KIRREL3: variants seen among roughly 807,000 people sequenced by gnomAD.
KIRREL3 encodes kirre like nephrin family adhesion molecule 3, also known as kin of IRRE-like protein 3.
A neutral mutation model predicts 89.7 loss-of-function variants in KIRREL3; 36 were observed. The observed-to-expected ratio is 0.40, with a 90% CI of 0.31 to 0.53. KIRREL3 has a LOEUF of 0.53. KIRREL3 is among the 20% of genes least tolerant of loss of function. KIRREL3 has a pLI of 0.49. For missense variants in KIRREL3, 864 were observed against 1,056.6 expected (o/e 0.82, Z 2.53); for synonymous variants, 445 against 441.4 (o/e 1.01, Z -0.10).
chr11:126,733,051 A>G (rs772154293), intron 1 of KIRREL3, among the ~76,000 whole-genome samples: 3 of 152,246 alleles, frequency 2.0e-5, no homozygotes, highest in Non-Finnish European at 2.9e-5. Flanking sequence ...GCAGCTTGAG[A>G]TATTTTGAGC....
Position 126,761,338 on chromosome 11 carries a change from C to T in KIRREL3, c.56-198426G>A, listed in dbSNP as rs1392420334. On this transcript the variant is annotated intron_variant, in intron 1 of 16. Coordinates refer to ENST00000525144, the MANE Select transcript of KIRREL3 (RefSeq NM_032531.4). The surrounding 1 kb of genome is among the most constrained non-coding windows in gnomAD (Gnocchi z 4.4). ...ACCAGAGGGGACTGTGATGAGTTGG[C>T]TTCTCAGGAGTTTCCTACTCGCTGG... is the stretch of plus-strand genomic sequence containing the variant. Among the ~76,000 whole-genome samples, 1 of 151,858 alleles carries T rather than the reference C, an allele frequency of 6.6e-6. No homozygotes were observed. The highest frequency in any genetic ancestry group is 6.5e-5 in the Admixed American group (1 of 15,274).
At chr11:126,451,668 GTGTGCATA>G (rs1455832455) in intron 7 of KIRREL3, among the ~76,000 whole-genome samples, 2 of 151,624 alleles carry the variant, frequency 1.3e-5, no homozygotes, top group Non-Finnish European at 2.9e-5. Flanking sequence ...ATGTGTGAGT[GTGTGCATA>G]TGTGCGTGTG....
chr11:126,583,195 A>C (rs1402435064), intron 1 of KIRREL3, among the ~76,000 whole-genome samples: 1 of 152,212 alleles, frequency 6.6e-6, no homozygotes, highest in East Asian at 1.9e-4. Context: ...CCTTCCTGCT[A>C]TCCTCAGCTC....
chr11:126,512,353 G>A (rs1220477350), intron 4 of KIRREL3, among the ~76,000 whole-genome samples: 1 of 152,248 alleles, frequency 6.6e-6, no homozygotes, highest in African/African-American at 2.4e-5. Flanking sequence ...AGCTGTCCAT[G>A]TGTGTATCCT....
At chr11:126,532,336 C>T (rs1291995860) in intron 2 of KIRREL3, among the ~76,000 whole-genome samples, 2 of 152,154 alleles carry the variant, frequency 1.3e-5, no homozygotes, top group Admixed American at 6.5e-5. Context: ...ACTCCACCAA[C>T]AAGGCAGCCT....
intron 1 of KIRREL3, among the ~76,000 whole-genome samples, chr11:126,646,297 G>T (rs1257705167): frequency 2.1e-5 from 2 of 96,888 alleles, no homozygotes; most frequent in African/African-American, 4.2e-5. Flanking sequence ...TATTATTATT[G>T]TTATTTATTT....
At chr11:126,846,222 G>A (rs1338903159) in intron 1 of KIRREL3, among the ~76,000 whole-genome samples, 1 of 152,118 alleles carries the variant, frequency 6.6e-6, no homozygotes, top group African/African-American at 2.4e-5. Flanking sequence ...CTGGAGATCT[G>A]TATTGCCTTC....
At chr11:126,854,342 C>T (rs1944441552) in intron 1 of KIRREL3, among the ~76,000 whole-genome samples, 1 of 152,044 alleles carries the variant, frequency 6.6e-6, no homozygotes, top group African/African-American at 2.4e-5. Flanking sequence ...CCACTACCAC[C>T]CATCTCCAGA....
At chr11:126,444,115 C>T (rs1264949673) in intron 10 of KIRREL3, among the ~76,000 whole-genome samples, 1 of 152,212 alleles carries the variant, frequency 6.6e-6, no homozygotes, top group Admixed American at 6.5e-5. Flanking sequence ...GGTGTGATGC[C>T]CTTGTCCCTA....
intron 1 of KIRREL3, among the ~76,000 whole-genome samples, chr11:126,688,815 T>C (rs1380679326): frequency 6.6e-6 from 1 of 152,168 alleles, no homozygotes; most frequent in Non-Finnish European, 1.5e-5. Context: ...TCTAAAAGAC[T>C]GAGAGATGAC....
At chr11:126,450,688 G>A (rs542577736) in intron 7 of KIRREL3, among the ~76,000 whole-genome samples, 7 of 135,380 alleles carry the variant, frequency 5.2e-5, no homozygotes, top group East Asian at 2.4e-4. Context: ...TGCATGGTGC[G>A]TGTGTGGTGC....
chr11:126,863,350 CATGT>C lies in KIRREL3; in HGVS notation c.55+137101_55+137104del, dbSNP rs573589941. On this transcript the variant is annotated intron_variant, in intron 1 of 16. Transcript: ENST00000525144. ...ATATGTGGGGAGGTGGGCATGGGTG[CATGT>C]GAGTGTGTGTTTGAGTGCGTGTGTG... Among the ~76,000 whole-genome samples the C allele has an allele frequency of 1.3e-3, 156 of 120,304 alleles. 1 individual carries two copies. Among genetic ancestry groups the C allele is most frequent in the African/African-American group, 4.1e-3 (142 of 34,542 alleles). 78.9% of individuals were successfully genotyped at this position (120,304 alleles called of 152,430 possible). A position where few individuals can be genotyped will look rare whatever the true frequency, so the allele number is the denominator to read the frequency against.
At chr11:126,967,922 G>C (rs1196731752) in intron 1 of KIRREL3, among the ~76,000 whole-genome samples, 1 of 152,232 alleles carries the variant, frequency 6.6e-6, no homozygotes, top group Admixed American at 6.5e-5. Context: ...ATAATGCCAA[G>C]GTTGAGAAAT....
chr11:126,631,250 G>A (rs551638666), intron 1 of KIRREL3, among the ~76,000 whole-genome samples: 1 of 152,196 alleles, frequency 6.6e-6, no homozygotes, highest in East Asian at 1.9e-4. Flanking sequence ...GATCTCTAGT[G>A]TTCACTGTTA....
At chr11:126,560,965 A>G (rs1940076195) in intron 2 of KIRREL3, among the ~76,000 whole-genome samples, 1 of 152,254 alleles carries the variant, frequency 6.6e-6, no homozygotes, top group African/African-American at 2.4e-5. Context: ...TGTGGAAATT[A>G]TAATTATTTT....
At chr11:126,581,876 G>A (rs367980371) in intron 1 of KIRREL3, among the ~76,000 whole-genome samples, 19 of 152,286 alleles carry the variant, frequency 1.2e-4, no homozygotes, top group African/African-American at 4.6e-4. Flanking sequence ...GGGACAAGGG[G>A]AAGGTGCTGG....
intron 1 of KIRREL3, among the ~76,000 whole-genome samples, chr11:126,839,811 C>T (rs185015340): frequency 3.7e-4 from 56 of 152,250 alleles, no homozygotes; most frequent in Admixed American, 5.9e-4. Context: ...CATGCACGCT[C>T]CTGCAAATTT....
chr11:126,451,088 CAT>C (rs201401729), intron 7 of KIRREL3, among the ~76,000 whole-genome samples: 7,299 of 120,718 alleles, frequency 0.06, 387 homozygotes, highest in East Asian at 0.29. Context: ...TGCGTGTGTG[CAT>C]ATGTGTCCAT....
chr11:126,601,827 T>C lies in KIRREL3; in HGVS notation c.56-38915A>G, dbSNP rs780636776. Among the ~76,000 whole-genome samples the C allele has an allele frequency of 5.3e-5, 8 of 152,132 alleles. No individual in the cohort carries two copies. The highest frequency in any genetic ancestry group is 1.0e-4 in the Non-Finnish European group (7 of 68,026). ...AGGAGCTCCATTCCCTCGTGCCATC[T>C]CCCGTTTTTAAGGACTGGACTAAAG... On this transcript the variant is annotated intron_variant, in intron 1 of 16. Coordinates refer to ENST00000525144, the MANE Select transcript of KIRREL3 (RefSeq NM_032531.4). This position sits in a 1 kb window ranked among gnomAD's most constrained non-coding sequence, Gnocchi z 5.8.
Sources: gnomAD v4.1 joint callset for allele counts (sites outside exome capture counted in the v4.1 genomes callset) on GRCh38, gnomAD v4.1.1 for gene constraint, Gnocchi (gnomAD v3.1) non-coding constraint, MANE v1.5 for transcripts, NCBI Gene and HGNC (gene_info 2026-07-23, HGNC 2026-07-21) for gene names.